The following HPF1 variants were observed in gnomAD, a reference collection of about 807,000 sequenced individuals.
HPF1 encodes histone PARylation factor 1.
A neutral mutation model predicts 38.8 loss-of-function variants in HPF1; 35 were observed. The observed-to-expected ratio is 0.90, with a 90% confidence interval of 0.69 to 1.19. The LOEUF (loss-of-function observed/expected upper bound fraction) is 1.19. HPF1 is among the 50% of genes most tolerant of loss of function. The probability of loss-of-function intolerance (pLI) is 0.00; values close to 1 mark genes in which losing one functional copy is unlikely to be tolerated. For synonymous variants in HPF1, 115 were observed against 139.2 expected (o/e 0.83, Z 1.22); for missense variants, 367 against 405.8 (o/e 0.90, Z 0.82).
chr4:169,751,377 T>C (rs1734117063), intron 2 of HPF1, among the ~76,000 whole-genome samples: 1 of 134,544 alleles, frequency 7.4e-6, no homozygotes, highest in Admixed American at 8.0e-5. Flanking sequence ...CACTCCAGCC[T>C]GGGTGACAGG....
rs1734040474 is a variant in HPF1 at position 169,745,795 on chromosome 4, AT to A, written c.497+2948del. On this transcript the variant is annotated intron_variant, in intron 4 of 7. Transcript: ENST00000393381. The stretch of plus-strand genomic sequence containing the variant: ...CACCATGCCTGGCTCCATCACAAAC[AT>A]TTTTAAATACATTTGCATGTTACTG... Among the ~76,000 whole-genome samples the A allele has an allele frequency of 5.3e-5, 8 of 152,112 alleles. No homozygotes were observed. In the South Asian group the frequency reaches 1.4e-3, roughly 28 times the overall value.
chr4:169,737,659 C>CA lies in HPF1; in HGVS notation c.736_736+1insT (p.Ala246ValfsTer2). On this transcript the variant is annotated frameshift_variant and splice_region_variant. Coordinates refer to ENST00000393381, the MANE Select transcript of HPF1 (RefSeq NM_017867.3). LOFTEE classifies it high-confidence loss of function. ...CACATGTTTACTATGAAATACATTACCATCTGTTTCAGGGAGCTCTCGGTA... is the reference window on the plus strand; with the variant it reads ...CACATGTTTACTATGAAATACATTACACATCTGTTTCAGGGAGCTCTCGGTA... 1 of 1,558,274 alleles carries CA rather than the reference C, an allele frequency of 6.4e-7. No individual in the cohort carries two copies. The highest frequency in any genetic ancestry group is 8.9e-7 in the Non-Finnish European group (1 of 1,129,340).
At chr4:169,738,504 C>A (rs1733926399) in intron 5 of HPF1, among the ~76,000 whole-genome samples, 1 of 152,200 alleles carries the variant, frequency 6.6e-6, no homozygotes, top group Admixed American at 6.5e-5. Flanking sequence ...AGAGGAAGGA[C>A]ACAACCCAAA....
rs188548281 is a variant in HPF1 at position 169,731,649 on chromosome 4, G to A, written c.909+55C>T. 1.9e-4 allele frequency: 260 copies of A among 1,353,444 alleles called. 3 individuals are homozygous for A. The East Asian group carries it at 3.4e-3, about 18-fold the overall frequency. The allele number at this position is 1,353,444 out of a possible 1,614,324, so 83.8% of individuals were successfully genotyped here. ...GTATTCATGTGTGGATGTATGTCGC[G>A]GGGAGAGGAGGGAGGTGTGGCAGTG... On this transcript the variant is annotated intron_variant, in intron 7 of 7. Coordinates refer to ENST00000393381, the MANE Select transcript of HPF1 (RefSeq NM_017867.3).
Position 169,736,037 on chromosome 4 carries a change from A to G in HPF1, c.736+1623T>C, listed in dbSNP as rs375499210. On this transcript the variant is annotated intron_variant, in intron 6 of 7. Transcript: ENST00000393381. ...TATGTCAACATATAATCAATGTAAG[A>G]AACATTTAATCCTGTTTTAATTTAC... is the stretch of plus-strand genomic sequence containing the variant. 9.9e-5 allele frequency among the ~76,000 whole-genome samples: 15 copies of G among 152,224 alleles called. 1 individual carries two copies. Among genetic ancestry groups the G allele is most frequent in the African/African-American group, 3.4e-4 (14 of 41,554 alleles).
In HPF1 at chr4:169,742,107, T is replaced by A. The variant is rs375830426; in HGVS notation, c.498A>T (p.Lys166Asn). The change falls in exon 5 of 8, where the codon AAA becomes AAT. Residue 166 changes from lysine (K) to asparagine (N), a missense_variant and splice_region_variant. By Grantham distance (94) the Lys-to-Asn change is moderately conservative. Coordinates refer to ENST00000393381, the MANE Select transcript of HPF1 (RefSeq NM_017867.3). ...CTCTAAGTTTTTTCGTCAAAAATAA[T>A]CTGAAAAAGAAGTAAAAGTCCGCAT... The part of the protein sequence containing the change: ...PNGDNVFAAV[K>N]LFLTKKLREI... 7 of 1,609,674 alleles carry A rather than the reference T, an allele frequency of 4.3e-6. No individual in the cohort carries two copies. In the African/African-American group the frequency reaches 9.4e-5, roughly 22 times the overall value.
intron 1 of HPF1, among the ~76,000 whole-genome samples, chr4:169,754,741 G>A (rs928209503): frequency 3.3e-5 from 5 of 152,092 alleles, no homozygotes; most frequent in African/African-American, 1.2e-4. Flanking sequence ...GACATTTGGA[G>A]ACCTATTTAG....
At chr4:169,734,875 C>T (rs548450794) in intron 6 of HPF1, among the ~76,000 whole-genome samples, 147 of 152,218 alleles carry the variant, frequency 9.7e-4, no homozygotes, top group African/African-American at 3.4e-3. Context: ...TGCCCTCAGC[C>T]GGGGCTTTGG....
chr4:169,753,028 G>GT (rs71590035), intron 2 of HPF1, among the ~76,000 whole-genome samples: 11,767 of 103,684 alleles, frequency 0.11, 2,555 homozygotes, highest in African/African-American at 0.39. Context: ...CCTTGGTTAG[G>GT]TTTTTTTTTT....
intron 3 of HPF1, 181 bp downstream of exon 3, chr4:169,750,355 C>T: frequency 2.4e-6 from 1 of 418,868 alleles, no homozygotes; most frequent in Non-Finnish European, 4.2e-6. Context: ...TGAGATTAAA[C>T]CTAAAGAGTT....
chr4:169,745,739 G>A (rs1734038657), intron 4 of HPF1, among the ~76,000 whole-genome samples: 1 of 152,176 alleles, frequency 6.6e-6, no homozygotes, highest in Non-Finnish European at 1.5e-5. Context: ...CTGGGCTCGA[G>A]CAATGCTCCC....
At chr4:169,752,857 T>C (rs1357256168) in intron 2 of HPF1, among the ~76,000 whole-genome samples, 3 of 152,150 alleles carry the variant, frequency 2.0e-5, no homozygotes, top group African/African-American at 7.2e-5. Flanking sequence ...ATGAAAGAGC[T>C]TGCTTTCCTT....
intron 4 of HPF1, among the ~76,000 whole-genome samples, chr4:169,746,484 C>CT (rs1337923916): frequency 2.6e-5 from 4 of 152,080 alleles, no homozygotes; most frequent in Non-Finnish European, 5.9e-5. Flanking sequence ...AGTAAGGGTT[C>CT]TTATACCCTA....
intron 4 of HPF1, among the ~76,000 whole-genome samples, chr4:169,743,408 CCTTTTTT>C (rs1337779620): frequency 0.025 from 1,864 of 74,122 alleles, 26 homozygotes; most frequent in African/African-American, 0.11. Context: ...CTGCCCCTGG[CCTTTTTT>C]TTTTTTTTTT....
At chr4:169,740,630 T>C (rs1231844401) in intron 5 of HPF1, among the ~76,000 whole-genome samples, 3 of 152,318 alleles carry the variant, frequency 2.0e-5, no homozygotes, top group South Asian at 2.1e-4. Flanking sequence ...GTATAGTCAT[T>C]AACAGGGGAG....
chr4:169,755,071 C>A (rs1258489668), intron 1 of HPF1, among the ~76,000 whole-genome samples: 7 of 124,842 alleles, frequency 5.6e-5, no homozygotes, highest in Non-Finnish European at 9.2e-5. Flanking sequence ...CCCCCGCCCC[C>A]TCATATTTAT....
At chr4:169,743,413 T>A (rs1734005188) in intron 4 of HPF1, among the ~76,000 whole-genome samples, 1 of 134,076 alleles carries the variant, frequency 7.5e-6, no homozygotes, top group African/African-American at 3.3e-5. Context: ...CCTGGCCTTT[T>A]TTTTTTTTTT....
intron 1 of HPF1, 131 bp downstream of exon 1, chr4:169,757,699 C>A: frequency 1.1e-6 from 1 of 919,664 alleles, no homozygotes; most frequent in Non-Finnish European, 1.7e-6. Flanking sequence ...GCAGGATCCC[C>A]GCAGCAAACC....
At chr4:169,737,289 CAAAAAAA>C (rs35524684) in intron 6 of HPF1, among the ~76,000 whole-genome samples, 3 of 108,512 alleles carry the variant, frequency 2.8e-5, no homozygotes, top group African/African-American at 1.1e-4. Flanking sequence ...CACTCCGTCT[CAAAAAAA>C]AAAAAAAAAA....
Sources: gnomAD v4.1 joint callset for allele counts (sites outside exome capture counted in the v4.1 genomes callset) on GRCh38, gnomAD v4.1.1 for gene constraint, MANE v1.5 for transcripts, NCBI Gene and HGNC (gene_info 2026-07-23, HGNC 2026-07-21) for gene names.